SAMD12: variants seen among roughly 807,000 people sequenced by gnomAD.
SAMD12 encodes sterile alpha motif domain containing 12.
Under a neutral mutation model 15.0 loss-of-function variants are expected in SAMD12, and 9 were observed. The ratio of observed to expected loss-of-function variants is 0.60; its 90% CI spans 0.36 to 1.05. The LOEUF (loss-of-function observed/expected upper bound fraction) is 1.05. SAMD12 is among the 50% of genes least tolerant of loss of function. The probability of loss-of-function intolerance (pLI) is 0.01; values close to 1 mark genes in which losing one functional copy is unlikely to be tolerated. For synonymous variants in SAMD12, 86 were observed against 90.1 expected (o/e 0.96, Z 0.25); for missense variants, 230 against 234.2 (o/e 0.98, Z 0.12).
At chr8:118,268,681 G>A (rs1287811557) in intron 4 of SAMD12, among the ~76,000 whole-genome samples, 1 of 152,106 alleles carries the variant, frequency 6.6e-6, no homozygotes, top group Admixed American at 6.6e-5. Flanking sequence ...AGGCGTGGTG[G>A]TGCTCACCTG....
rs747520682 is a variant in SAMD12 at position 118,439,826 on chromosome 8, C to T, written c.322+6G>A. ...AGTGAAATATCTGGGATACTGCATA[C>T]TTTACCAGTTATGTCATGCTGTTTG... On this transcript the variant is annotated splice_donor_region_variant and intron_variant, in intron 3 of 3. Coordinates refer to ENST00000314727, the MANE Select transcript of SAMD12 (RefSeq NM_207506.3). The T allele has an allele frequency of 6.2e-7, 1 of 1,612,608 alleles. No homozygotes were observed. Among genetic ancestry groups the T allele is most frequent in the Admixed American group, 1.7e-5 (1 of 59,990 alleles).
At chr8:118,247,603 A>AT (rs1812726961) in intron 4 of SAMD12, among the ~76,000 whole-genome samples, 1 of 151,636 alleles carries the variant, frequency 6.6e-6, no homozygotes, top group Non-Finnish European at 1.5e-5. Flanking sequence ...ATTTATTTTT[A>AT]TTTTTTTGAG....
chr8:118,350,472 G>A (rs1166322984), intron 4 of SAMD12, among the ~76,000 whole-genome samples: 2 of 152,112 alleles, frequency 1.3e-5, no homozygotes, highest in South Asian at 4.2e-4. Context: ...TTGGTGCCTT[G>A]TTTCTTCTCT....
chr8:118,364,755 G>A (rs148956397), intron 4 of SAMD12, among the ~76,000 whole-genome samples: 1 of 152,142 alleles, frequency 6.6e-6, no homozygotes, highest in Admixed American at 6.5e-5. Context: ...TTTGGGGGAG[G>A]AGAATGTGGT....
chr8:118,547,747 A>G (rs2131167849), intron 2 of SAMD12, among the ~76,000 whole-genome samples: 1 of 152,332 alleles, frequency 6.6e-6, no homozygotes, highest in Non-Finnish European at 1.5e-5. Context: ...CATATAAAAT[A>G]TGTATTTTTC....
At chr8:118,442,911 G>A (rs1822802671) in intron 2 of SAMD12, among the ~76,000 whole-genome samples, 2 of 152,172 alleles carry the variant, frequency 1.3e-5, no homozygotes, top group Non-Finnish European at 2.9e-5. Context: ...TCTTTAACTT[G>A]CTCATATCCT....
chr8:118,227,150 TGTG>T (rs1430511019), intron 4 of SAMD12, among the ~76,000 whole-genome samples: 8 of 152,148 alleles, frequency 5.3e-5, no homozygotes, highest in Middle Eastern at 3.4e-3. Context: ...ATAAAGAAAA[TGTG>T]GTACATACAC....
chr8:118,436,666 C>A (rs1822582154), intron 3 of SAMD12, among the ~76,000 whole-genome samples: 2 of 152,186 alleles, frequency 1.3e-5, no homozygotes, highest in African/African-American at 4.8e-5. Flanking sequence ...ATCTTTTCTG[C>A]AGCCTTAAAG....
At chr8:118,603,124 C>T (rs1586850063) in intron 1 of SAMD12, among the ~76,000 whole-genome samples, 1 of 152,046 alleles carries the variant, frequency 6.6e-6, no homozygotes, top group African/African-American at 2.4e-5. Flanking sequence ...AGCAAACATA[C>T]ACTTTAAAAA....
intron 2 of SAMD12, among the ~76,000 whole-genome samples, chr8:118,455,538 G>A (rs768424366): frequency 1.3e-5 from 2 of 151,930 alleles, no homozygotes; most frequent in Non-Finnish European, 2.9e-5. Flanking sequence ...CTCTCTCCTG[G>A]GGTAGTTTCA....
chr8:118,132,839 A>G, the SAMD12 span, among the ~76,000 whole-genome samples: 1 of 151,364 alleles, frequency 6.6e-6, no homozygotes, highest in Non-Finnish European at 1.5e-5. Context: ...TTTATTACCC[A>G]AACTATAGTA....
chr8:118,584,422 C>T (rs929778829), intron 1 of SAMD12, among the ~76,000 whole-genome samples: 5 of 151,862 alleles, frequency 3.3e-5, no homozygotes, highest in African/African-American at 1.2e-4. Context: ...TCTTGTTTTC[C>T]CTAAAGTTAT....
intron 4 of SAMD12, among the ~76,000 whole-genome samples, chr8:118,315,361 A>G (rs1815839234): frequency 6.6e-6 from 1 of 152,204 alleles, no homozygotes. Context: ...TTCACCTTGA[A>G]ATTATAGGCA....
the SAMD12 span, among the ~76,000 whole-genome samples, chr8:118,177,083 G>A: frequency 5.4e-4 from 82 of 152,178 alleles, no homozygotes; most frequent in Non-Finnish European, 9.7e-4. Context: ...GAGTGGATGC[G>A]TTTCGGGTAT....
At chr8:118,583,628 C>T (rs1414460287) in intron 1 of SAMD12, among the ~76,000 whole-genome samples, 1 of 152,154 alleles carries the variant, frequency 6.6e-6, no homozygotes, top group Non-Finnish European at 1.5e-5. Flanking sequence ...CACCTCTGAT[C>T]ACGGTGGTCC....
At chr8:118,214,529 ATATC>A (rs1811910532) in intron 4 of SAMD12, among the ~76,000 whole-genome samples, 1 of 152,244 alleles carries the variant, frequency 6.6e-6, no homozygotes, top group African/African-American at 2.4e-5. Flanking sequence ...TTAAGGAAAT[ATATC>A]TATATCTTCT....
rs1819623517 is a variant in SAMD12 at position 118,198,322 on chromosome 8, C to T, written c.434-590G>A. On this transcript the variant is annotated intron_variant, in intron 4 of 4. Coordinates refer to the SAMD12 transcript ENST00000409003. ...TTAAACTAATTGAATTGCAACCCTG[C>T]TTTTGGGCTTGGGAGTGCTAGTATA... 3.3e-5 allele frequency among the ~76,000 whole-genome samples: 5 copies of T among 152,218 alleles called. No homozygotes were observed. In the South Asian group the frequency reaches 1.0e-3, roughly 32 times the overall value.
chr8:118,385,720 G>A (rs777684933), intron 3 of SAMD12, among the ~76,000 whole-genome samples: 2 of 152,158 alleles, frequency 1.3e-5, no homozygotes, highest in African/African-American at 4.8e-5. Flanking sequence ...ACGCAGTAGT[G>A]CTCATAAGTA....
chr8:118,515,028 GTTTGTTTT>G (rs1469308832), intron 2 of SAMD12, among the ~76,000 whole-genome samples: 1 of 109,846 alleles, frequency 9.1e-6, no homozygotes, highest in African/African-American at 3.3e-5. Context: ...TTGTTTGTTT[GTTTGTTTT>G]GAGACGGAGT....
Sources: gnomAD v4.1 joint callset for allele counts (sites outside exome capture counted in the v4.1 genomes callset) on GRCh38, gnomAD v4.1.1 for gene constraint, MANE v1.5 for transcripts, NCBI Gene and HGNC (gene_info 2026-07-23, HGNC 2026-07-21) for gene names.